The following EBF4 variants were observed in gnomAD, a reference collection of about 807,000 sequenced individuals.
EBF4 encodes EBF transcription factor 4, also known as transcription factor COE4.
In EBF4, 34 loss-of-function variants were observed where a neutral mutation model predicts 67.1. That is an observed-to-expected ratio of 0.51 (90% CI 0.39 to 0.67). The LOEUF is 0.67. EBF4 is among the 30% of genes least tolerant of loss of function. The probability of loss-of-function intolerance (pLI) is 0.00; values close to 1 mark genes in which losing one functional copy is unlikely to be tolerated. For missense variants in EBF4, 837 were observed against 873.3 expected (o/e 0.96, Z 0.52); for synonymous variants, 387 against 377.7 (o/e 1.02, Z -0.29).
intron 6 of EBF4, among the ~76,000 whole-genome samples, chr20:2,710,319 T>G (rs1197021576): frequency 2.0e-5 from 3 of 152,116 alleles, no homozygotes; most frequent in Admixed American, 1.3e-4. Context: ...TGGCTAATTT[T>G]TTGTATTTTT....
At chr20:2,749,907 G>A in exon 10 of EBF4, 1 of 1,551,608 alleles carries the variant, frequency 6.4e-7, no homozygotes, top group Non-Finnish European at 8.7e-7. Context: ...CGGGGTGGTG[G>A]AGGTGACCCT....
chr20:2,693,920 C>G lies in EBF4; in HGVS notation c.137+138C>G. The G allele has an allele frequency of 8.7e-7, 1 of 1,152,116 alleles. No homozygotes were observed. Among genetic ancestry groups the G allele is most frequent in the East Asian group, 3.2e-5 (1 of 31,236 alleles). The allele number at this position is 1,152,116 out of a possible 1,614,324, so 71.4% of individuals were successfully genotyped here. On this transcript the variant is annotated intron_variant, in intron 1 of 16. Transcript: ENST00000609451. The surrounding 1 kb of genome is among the most constrained non-coding windows in gnomAD (Gnocchi z 4.6). ...GTCCCGGCGAGCTCCCCGGCCCACC[C>G]CGTCCGGAGTGCCTGTGCTGCCTCC...
At chr20:2,733,332 C>G (rs1272288435) in intron 6 of EBF4, among the ~76,000 whole-genome samples, 1 of 152,044 alleles carries the variant, frequency 6.6e-6, no homozygotes, top group Non-Finnish European at 1.5e-5. Context: ...CTTCTCAGAT[C>G]CTTTCTTTTT....
chr20:2,718,898 A>G (rs1339432037), intron 6 of EBF4, among the ~76,000 whole-genome samples: 1 of 152,226 alleles, frequency 6.6e-6, no homozygotes, highest in Non-Finnish European at 1.5e-5. Context: ...TTGTCTTAAA[A>G]TAGACTTTTA....
chr20:2,705,738 G>C lies in EBF4; in HGVS notation c.294+5G>C, dbSNP rs757029681. ...GACTTCGTGGAAAAGGACCGAGTGA[G>C]AGGCTCATGGGCTTGGCTGGGACTG... On this transcript the variant is annotated splice_donor_5th_base_variant and intron_variant, in intron 2 of 16. Coordinates refer to ENST00000609451, the Ensembl canonical transcript of EBF4. 1.9e-6 allele frequency: 3 copies of C among 1,548,872 alleles called. No individual in the cohort carries two copies. The highest frequency in any genetic ancestry group is 8.7e-7 in the Non-Finnish European group (1 of 1,145,504).
intron 5 of EBF4, among the ~76,000 whole-genome samples, chr20:2,708,238 TGTGGCTTCTCCGA>T (rs1406164918): frequency 6.6e-6 from 1 of 152,212 alleles, no homozygotes; most frequent in Non-Finnish European, 1.5e-5. Flanking sequence ...GGCCTGTTTA[TGTGGCTTCTCCGA>T]GTGTTTTTGT....
At position 2,745,916 on chromosome 20, in the gene EBF4, C is replaced by T. The variant is rs2088043503; in HGVS notation, c.558-2633C>T. Among the ~76,000 whole-genome samples, 1 of 152,154 alleles carries T rather than the reference C, an allele frequency of 6.6e-6. No individual in the cohort carries two copies. Among genetic ancestry groups the T allele is most frequent in the African/African-American group, 2.4e-5 (1 of 41,416 alleles). ...ACATGTGTCATCTTTTGGTGCAGTC[C>T]TATGCTTGTCGCATCTTCAGTGGTA... On this transcript the variant is annotated intron_variant, in intron 6 of 16. Coordinates refer to ENST00000609451, the Ensembl canonical transcript of EBF4. The surrounding 1 kb of genome is among the most constrained non-coding windows in gnomAD (Gnocchi z 5.2).
intron 6 of EBF4, among the ~76,000 whole-genome samples, chr20:2,710,665 T>C (rs955483799): frequency 3.3e-5 from 5 of 151,774 alleles, no homozygotes; most frequent in Non-Finnish European, 1.5e-5. Context: ...GGTGCAAAAA[T>C]TCAAGAAGCT....
intron 6 of EBF4, among the ~76,000 whole-genome samples, chr20:2,732,846 A>G (rs1159526908): frequency 6.6e-6 from 1 of 151,462 alleles, no homozygotes; most frequent in African/African-American, 2.4e-5. Flanking sequence ...ACGGAATTAT[A>G]AAGAGTTCCC....
chr20:2,710,452 C>G (rs2087527195), intron 6 of EBF4, among the ~76,000 whole-genome samples: 1 of 151,994 alleles, frequency 6.6e-6, no homozygotes, highest in African/African-American at 2.4e-5. Context: ...GCCTGGCCTA[C>G]TTCTTTTTGA....
chr20:2,743,561 G>C (rs534781467), intron 6 of EBF4, among the ~76,000 whole-genome samples: 1 of 152,274 alleles, frequency 6.6e-6, no homozygotes, highest in East Asian at 1.9e-4. Context: ...CAAAGAAGAC[G>C]AAGAGAAAGT....
At chr20:2,706,036 T>C (rs1182783756) in exon 3 of EBF4, 5 of 1,551,342 alleles carry the variant, frequency 3.2e-6, no homozygotes, top group Non-Finnish European at 4.4e-6. Flanking sequence ...TGTATAACAA[T>C]GGTGAGTGGA....
intron 6 of EBF4, among the ~76,000 whole-genome samples, chr20:2,744,811 T>A (rs13037350): frequency 6.6e-6 from 1 of 152,208 alleles, no homozygotes; most frequent in Admixed American, 6.5e-5. Flanking sequence ...ATATGTAATG[T>A]TAAATTTTCC....
At position 2,719,432 on chromosome 20, in the gene EBF4, G is replaced by A. The variant is rs189168631; in HGVS notation, c.557+9790G>A. Among the ~76,000 whole-genome samples the A allele has an allele frequency of 2.4e-3, 360 of 152,160 alleles. 1 individual carries two copies. Among genetic ancestry groups the A allele is most frequent in the African/African-American group, 7.8e-3 (325 of 41,506 alleles). ...TGGGACTAAAGGTGCCCACCACCACGCCCAGCTAATTTTTGTATTTTTGTT... is the reference window on the plus strand; with the variant it reads ...TGGGACTAAAGGTGCCCACCACCACACCCAGCTAATTTTTGTATTTTTGTT... On this transcript the variant is annotated intron_variant, in intron 6 of 16. Coordinates refer to ENST00000609451, the Ensembl canonical transcript of EBF4.
chr20:2,744,516 G>A (rs1342415642), intron 6 of EBF4, among the ~76,000 whole-genome samples: 2 of 92,446 alleles, frequency 2.2e-5, no homozygotes, highest in Non-Finnish European at 3.9e-5. Context: ...TTTTGAGACA[G>A]GGTCTCACTC....
At chr20:2,708,003 C>T (rs1380441954) in exon 5 of EBF4, 12 of 1,609,026 alleles carry the variant, frequency 7.5e-6, no homozygotes, top group African/African-American at 2.7e-5. Flanking sequence ...TGCTGCTCAC[C>T]CATGAGATCA....
In EBF4 at chr20:2,747,112, C is replaced by T. The variant is rs2088061200; in HGVS notation, c.558-1437C>T. ...ATCGAGACCAGCCTGGCCAACATGG[C>T]AAAACACCGTCTCTACTAAAACTAC... On this transcript the variant is annotated intron_variant, in intron 6 of 16. Coordinates refer to ENST00000609451, the Ensembl canonical transcript of EBF4. This position sits in a 1 kb window ranked among gnomAD's most constrained non-coding sequence, Gnocchi z 4.6. Among the ~76,000 whole-genome samples, 1 of 152,064 alleles carries T rather than the reference C, an allele frequency of 6.6e-6. No homozygotes were observed. Among genetic ancestry groups the T allele is most frequent in the Admixed American group, 6.5e-5 (1 of 15,274 alleles).
intron 6 of EBF4, among the ~76,000 whole-genome samples, chr20:2,728,941 G>A (rs1012803860): frequency 1.3e-5 from 2 of 151,968 alleles, no homozygotes; most frequent in African/African-American, 4.8e-5. Flanking sequence ...TCATAGTAGA[G>A]CTGTTGCAGA....
intron 6 of EBF4, among the ~76,000 whole-genome samples, chr20:2,713,315 A>T (rs1265628338): frequency 6.6e-6 from 1 of 152,228 alleles, no homozygotes; most frequent in Non-Finnish European, 1.5e-5. Context: ...AGAGACATGG[A>T]CACAGAAGTG....
Sources: gnomAD v4.1 joint callset for allele counts (sites outside exome capture counted in the v4.1 genomes callset) on GRCh38, gnomAD v4.1.1 for gene constraint, Gnocchi (gnomAD v3.1) non-coding constraint, MANE v1.5 for transcripts, NCBI Gene and HGNC (gene_info 2026-07-23, HGNC 2026-07-21) for gene names.